The following FAM227A variants were observed in gnomAD, a reference collection of about 807,000 sequenced individuals.
FAM227A encodes protein FAM227A.
Under a neutral mutation model 74.7 loss-of-function variants are expected in FAM227A, and 80 were observed. The ratio of observed to expected loss-of-function variants is 1.07; its 90% CI spans 0.89 to 1.29. FAM227A has a LOEUF of 1.29. FAM227A is among the 50% of genes most tolerant of loss of function. The probability of loss-of-function intolerance (pLI) is 0.00; values close to 1 mark genes in which losing one functional copy is unlikely to be tolerated. For missense variants in FAM227A, 654 were observed against 683.4 expected (o/e 0.96, Z 0.48); for synonymous variants, 237 against 241.8 (o/e 0.98, Z 0.19).
chr22:38,617,116 G>A (rs1276151204), intron 11 of FAM227A, among the ~76,000 whole-genome samples: 1 of 152,084 alleles, frequency 6.6e-6, no homozygotes, highest in Non-Finnish European at 1.5e-5. Flanking sequence ...GTACAGTGGT[G>A]CGGCCAGGCA....
At chr22:38,645,262 G>A (rs528304185) in intron 3 of FAM227A, among the ~76,000 whole-genome samples, 5 of 148,106 alleles carry the variant, frequency 3.4e-5, no homozygotes, top group East Asian at 2.0e-4. Flanking sequence ...ATGGTGGCAC[G>A]CACCTGTAGT....
intron 15 of FAM227A, among the ~76,000 whole-genome samples, chr22:38,595,548 A>G (rs183544847): frequency 2.6e-4 from 39 of 152,372 alleles, no homozygotes; most frequent in Non-Finnish European, 1.5e-5. Context: ...AAGACCACTG[A>G]TGAGTGCTAA....
At chr22:38,604,663 A>T (rs935534088) in intron 13 of FAM227A, among the ~76,000 whole-genome samples, 17 of 151,660 alleles carry the variant, frequency 1.1e-4, no homozygotes, top group Non-Finnish European at 2.1e-4. Flanking sequence ...TTTTTTATTT[A>T]TTTTTTTTGA....
intron 13 of FAM227A, among the ~76,000 whole-genome samples, chr22:38,604,694 C>T (rs1284419185): frequency 1.3e-5 from 2 of 152,094 alleles, no homozygotes; most frequent in Non-Finnish European, 2.9e-5. Context: ...GACTCTGTTG[C>T]CCAGGCTGGA....
chr22:38,591,623 T>C (rs961817965), intron 15 of FAM227A, 83 bp from the exon 16 acceptor site: 6 of 897,316 alleles, frequency 6.7e-6, no homozygotes, highest in African/African-American at 3.5e-5. Flanking sequence ...TATAAACTGA[T>C]AGATCCACGT....
intron 15 of FAM227A, among the ~76,000 whole-genome samples, chr22:38,595,031 G>A (rs2091013895): frequency 6.6e-6 from 1 of 152,166 alleles, no homozygotes; most frequent in Non-Finnish European, 1.5e-5. Flanking sequence ...CTGGGGGACG[G>A]AGGTTGCAGT....
intron 14 of FAM227A, 92 bp from the exon 15 acceptor site, chr22:38,597,448 G>T: frequency 1.6e-6 from 2 of 1,266,332 alleles, no homozygotes; most frequent in Non-Finnish European, 1.1e-6. Context: ...GGGAAGAGGG[G>T]CATGGAGGAC....
At chr22:38,615,242 T>C (rs1333677617) in intron 11 of FAM227A, among the ~76,000 whole-genome samples, 2 of 152,180 alleles carry the variant, frequency 1.3e-5, no homozygotes, top group East Asian at 3.8e-4. Context: ...AGACTGGTCT[T>C]GAACTCCTGA....
At chr22:38,637,964 C>G (rs999696518) in intron 5 of FAM227A, among the ~76,000 whole-genome samples, 2 of 152,062 alleles carry the variant, frequency 1.3e-5, no homozygotes, top group Non-Finnish European at 2.9e-5. Flanking sequence ...GTCAAGAGTT[C>G]GAGACCAGCC....
intron 6 of FAM227A, among the ~76,000 whole-genome samples, chr22:38,635,523 C>T (rs1464629975): frequency 6.6e-6 from 1 of 152,164 alleles, no homozygotes; most frequent in African/African-American, 2.4e-5. Context: ...GATCTCCCAT[C>T]TCCAGAGTTG....
intron 1 of FAM227A, among the ~76,000 whole-genome samples, chr22:38,655,107 T>A (rs1410641358): frequency 6.7e-6 from 1 of 148,868 alleles, no homozygotes. Context: ...GCCACTGCAC[T>A]CCAGCCTGGG....
chr22:38,649,320 T>G (rs1477724621), intron 2 of FAM227A, among the ~76,000 whole-genome samples: 1 of 152,116 alleles, frequency 6.6e-6, no homozygotes, highest in Admixed American at 6.6e-5. Context: ...ATCCCAGCAC[T>G]TTGGGAGGTC....
intron 8 of FAM227A, among the ~76,000 whole-genome samples, chr22:38,627,714 TG>T (rs1276567566): frequency 2.0e-5 from 3 of 152,038 alleles, no homozygotes; most frequent in Non-Finnish European, 4.4e-5. Context: ...ATGTGAACCC[TG>T]CCTCAGCCTC....
At chr22:38,608,996 T>C (rs890778411) in intron 11 of FAM227A, among the ~76,000 whole-genome samples, 4 of 151,588 alleles carry the variant, frequency 2.6e-5, no homozygotes, top group Admixed American at 6.6e-5. Flanking sequence ...TTTCACCATG[T>C]TGGCCAGGCT....
chr22:38,608,603 G>C (rs887268308), intron 11 of FAM227A, among the ~76,000 whole-genome samples: 5 of 148,082 alleles, frequency 3.4e-5, no homozygotes, highest in African/African-American at 1.3e-4. Context: ...GCTAATTTTT[G>C]TTCTTTTATT....
chr22:38,647,007 G>C (rs961079536), intron 2 of FAM227A, among the ~76,000 whole-genome samples: 1 of 151,764 alleles, frequency 6.6e-6, no homozygotes, highest in East Asian at 1.9e-4. Context: ...AAAATTAGCT[G>C]GGCGTGGTGG....
At chr22:38,630,604 C>T (rs1264217837) in intron 6 of FAM227A, among the ~76,000 whole-genome samples, 1 of 152,188 alleles carries the variant, frequency 6.6e-6, no homozygotes, top group African/African-American at 2.4e-5. Context: ...AAACACTTGA[C>T]AGGAGTATAC....
intron 10 of FAM227A, 93 bp downstream of exon 10, chr22:38,623,079 G>A (rs2091725033): frequency 1.2e-6 from 1 of 858,166 alleles, no homozygotes; most frequent in Non-Finnish European, 1.9e-6. Context: ...CTTGACCTGA[G>A]GACATCAATG....
intron 9 of FAM227A, among the ~76,000 whole-genome samples, chr22:38,623,611 T>C (rs951543918): frequency 2.0e-5 from 3 of 152,198 alleles, no homozygotes; most frequent in African/African-American, 4.8e-5. Context: ...ATGATGACCC[T>C]GCCCTACGTG....
Sources: allele counts gnomAD v4.1 joint callset (sites outside exome capture counted in the v4.1 genomes callset), GRCh38; gene constraint gnomAD v4.1.1; transcripts MANE v1.5; gene names NCBI Gene and HGNC (gene_info 2026-07-23, HGNC 2026-07-21).